DYRK1A: variants seen among roughly 807,000 people sequenced by gnomAD.
The protein encoded by DYRK1A is dual specificity tyrosine phosphorylation regulated kinase 1A, also known as dual specificity tyrosine-phosphorylation-regulated kinase 1A.
DYRK1A carries 9 observed loss-of-function variants against 79.7 expected under a neutral mutation model. The observed-to-expected ratio is 0.11, with a 90% CI of 0.07 to 0.20. The LOEUF (loss-of-function observed/expected upper bound fraction) is 0.20, where lower values mean the gene tolerates loss of function less well. DYRK1A is among the 10% of genes least tolerant of loss of function. The pLI, the probability that DYRK1A is intolerant of heterozygous loss-of-function variation, is 1.00. For synonymous variants in DYRK1A, 349 were observed against 329.7 expected (o/e 1.06, Z -0.63); for missense variants, 622 against 956.0 (o/e 0.65, Z 4.61).
intron 2 of DYRK1A, among the ~76,000 whole-genome samples, chr21:37,439,321 T>C (rs768195778): frequency 1.3e-5 from 2 of 152,188 alleles, no homozygotes; most frequent in Admixed American, 6.5e-5. Flanking sequence ...CTCTATGGAA[T>C]GTGGAATATA....
At chr21:37,406,424 G>A (rs561336003) in intron 1 of DYRK1A, among the ~76,000 whole-genome samples, 5 of 152,166 alleles carry the variant, frequency 3.3e-5, no homozygotes, top group Admixed American at 2.0e-4. Flanking sequence ...GACAGGGTGC[G>A]GTGGCTCAAG....
chr21:37,391,727 C>G (rs540100070), intron 1 of DYRK1A, among the ~76,000 whole-genome samples: 1 of 152,328 alleles, frequency 6.6e-6, no homozygotes, highest in South Asian at 2.1e-4. Flanking sequence ...TAACCTAGCC[C>G]TAGTTTATCT....
At chr21:37,467,259 A>G (rs1018164448) in intron 2 of DYRK1A, among the ~76,000 whole-genome samples, 2 of 152,196 alleles carry the variant, frequency 1.3e-5, no homozygotes, top group African/African-American at 4.8e-5. Context: ...TTGTTTTCAC[A>G]GGATCTTGCC....
At chr21:37,505,989 A>T in intron 10 of DYRK1A, 110 bp from the exon 11 acceptor site, 1 of 1,256,488 alleles carries the variant, frequency 8.0e-7, no homozygotes, top group Non-Finnish European at 1.1e-6. Flanking sequence ...GAGATTTTGT[A>T]TGTGTGTGTG....
intron 6 of DYRK1A, chr21:37,488,530 A>AG: frequency 3.1e-6 from 3 of 971,432 alleles, no homozygotes; most frequent in Non-Finnish European, 3.7e-6. Flanking sequence ...TCTAGTTAAA[A>AG]GAAAATTTAG....
rs968307393 is a variant in DYRK1A at position 37,519,059 on chromosome 21, T to C, written c.*6528T>C. The C allele has an allele frequency of 6.6e-6, 1 of 152,220 alleles. No homozygotes were observed. The highest frequency in any genetic ancestry group is 1.5e-5 in the Non-Finnish European group (1 of 68,028). 9.4% of individuals were successfully genotyped at this position (152,220 alleles called of 1,614,324 possible). A position where few individuals can be genotyped will look rare whatever the true frequency, so the allele number is the denominator to read the frequency against. ...TTGCCAGATGTAAGTATATAAAACT[T>C]ACACAGTTTGTTCCTTTTTGTTGTC... is the stretch of plus-strand genomic sequence containing the variant. On this transcript the variant is annotated 3_prime_UTR_variant, in exon 12 of 12. Transcript: ENST00000647188.
Position 37,523,468 on chromosome 21 carries a change from A to T in DYRK1A, c.*10937A>T, listed in dbSNP as rs895135789. The T allele has an allele frequency of 6.6e-6, 1 of 152,162 alleles. No individual in the cohort carries two copies. Among genetic ancestry groups the T allele is most frequent in the Admixed American group, 6.5e-5 (1 of 15,276 alleles). 9.4% of individuals were successfully genotyped at this position (152,162 alleles called of 1,614,324 possible). On this transcript the variant is annotated 3_prime_UTR_variant, in exon 12 of 12. Coordinates refer to ENST00000647188, the MANE Select transcript of DYRK1A (RefSeq NM_001347721.2). Reference sequence around the variant, plus strand: ...TTGTAAATGGAAGAAAAAATAAGAGAGATTCATTATGTTCTAATGACTATG... The same window carrying T: ...TTGTAAATGGAAGAAAAAATAAGAGTGATTCATTATGTTCTAATGACTATG...
intron 1 of DYRK1A, among the ~76,000 whole-genome samples, chr21:37,398,085 A>ATATATT (rs2049989242): frequency 6.8e-6 from 1 of 146,996 alleles, no homozygotes; most frequent in Non-Finnish European, 1.5e-5. Flanking sequence ...AAATATATAT[A>ATATATT]TATATTTATA....
At chr21:37,511,513 C>G (rs1456823039) in intron 11 of DYRK1A, among the ~76,000 whole-genome samples, 1 of 152,046 alleles carries the variant, frequency 6.6e-6, no homozygotes, top group Non-Finnish European at 1.5e-5. Flanking sequence ...AGATAGTAGT[C>G]CTTTATTGAA....
chr21:37,491,774 GA>G (rs931013677), intron 7 of DYRK1A, among the ~76,000 whole-genome samples: 3 of 152,098 alleles, frequency 2.0e-5, no homozygotes, highest in Non-Finnish European at 4.4e-5. Flanking sequence ...ATAGAGTTGG[GA>G]AAATTTCCCC....
chr21:37,368,592 C>T (rs1264250865), intron 1 of DYRK1A, among the ~76,000 whole-genome samples: 1 of 152,124 alleles, frequency 6.6e-6, no homozygotes, highest in East Asian at 1.9e-4. Context: ...CGCCTTAGAA[C>T]GTTGTTTTCA....
intron 2 of DYRK1A, among the ~76,000 whole-genome samples, chr21:37,438,665 A>G (rs1376999684): frequency 2.6e-5 from 4 of 152,168 alleles, no homozygotes; most frequent in African/African-American, 9.7e-5. Flanking sequence ...TGGATTTTCC[A>G]TTCTGTTCCA....
intron 8 of DYRK1A, among the ~76,000 whole-genome samples, chr21:37,494,072 A>G (rs890340022): frequency 5.4e-5 from 8 of 148,050 alleles, no homozygotes; most frequent in African/African-American, 2.0e-4. Flanking sequence ...TTGGATTTTT[A>G]CTAGAGTTGA....
intron 2 of DYRK1A, among the ~76,000 whole-genome samples, chr21:37,467,339 C>T (rs1263204244): frequency 6.6e-6 from 1 of 152,196 alleles, no homozygotes; most frequent in East Asian, 1.9e-4. Flanking sequence ...AGGTGATCCT[C>T]TAACCTCAGC....
chr21:37,487,659 T>G (rs1456921405), intron 6 of DYRK1A: 1 of 152,148 alleles, frequency 6.6e-6, no homozygotes, highest in Non-Finnish European at 1.5e-5. Flanking sequence ...GATTCTTTGG[T>G]CCACCCCAAA....
intron 11 of DYRK1A, 177 bp downstream of exon 11, chr21:37,506,400 CCTT>C (rs777838043): frequency 4.0e-6 from 6 of 1,516,086 alleles, no homozygotes; most frequent in Non-Finnish European, 5.3e-6. Context: ...TTTTCCTCCT[CCTT>C]GTCTAGAAGT....
At chr21:37,507,219 AGT>A (rs778733558) in intron 11 of DYRK1A, among the ~76,000 whole-genome samples, 13 of 152,006 alleles carry the variant, frequency 8.6e-5, no homozygotes, top group Non-Finnish European at 1.6e-4. Flanking sequence ...TGTTAGAAGC[AGT>A]GTGTTTCTTT....
chr21:37,491,104 C>A (rs1309459621), intron 7 of DYRK1A, among the ~76,000 whole-genome samples: 1 of 152,048 alleles, frequency 6.6e-6, no homozygotes, highest in East Asian at 1.9e-4. Flanking sequence ...GTCTTATTTT[C>A]CCCACTCTTA....
intron 1 of DYRK1A, among the ~76,000 whole-genome samples, chr21:37,414,068 T>C (rs964865464): frequency 3.3e-5 from 5 of 152,074 alleles, no homozygotes; most frequent in African/African-American, 4.8e-5. Context: ...TATAAAGATA[T>C]ATATGTATAT....
Sources: allele counts gnomAD v4.1 joint callset (sites outside exome capture counted in the v4.1 genomes callset), GRCh38; gene constraint gnomAD v4.1.1; transcripts MANE v1.5; gene names NCBI Gene and HGNC (gene_info 2026-07-23, HGNC 2026-07-21).